The following GNLY variants were observed in gnomAD, a reference collection of about 807,000 sequenced individuals.
GNLY encodes T-cell activation protein 519.
GNLY carries 15 observed loss-of-function variants against 18.5 expected under a neutral mutation model. The observed-to-expected ratio is 0.81, with a 90% CI of 0.54 to 1.25. The LOEUF is 1.25. Among genes scored for constraint, GNLY ranks in the 50% most tolerant of loss-of-function variants. The pLI is 0.00. For synonymous variants in GNLY, 77 were observed against 74.9 expected, an observed-to-expected ratio of 1.03 and a Z score of -0.14; for missense variants, 178 against 186.9, an observed-to-expected ratio of 0.95 and a Z score of 0.28.
rs147680816 is a variant in GNLY, at chr2:85,697,622, C to T, written c.372C>T (p.Ala124=). The change falls in exon 4 of 5, where the codon GCC becomes GCT. Residue 124 remains alanine (A), a synonymous_variant. Coordinates refer to ENST00000263863, the MANE Select transcript of GNLY (RefSeq NM_006433.5). ...CTAGAGTTACCCAGGGCCTCGTGGC[C>T]GGAGAAACTGCCCAGCAGATCTGTG... ...YQSRVTQGLV[A]GETAQQICED... 111 of 1,613,492 alleles carry T rather than the reference C, an allele frequency of 6.9e-5. No homozygotes were observed. Among genetic ancestry groups the T allele is most frequent in the East Asian group, 2.0e-4 (9 of 44,894 alleles).
rs997850578 is a variant in GNLY, at chr2:85,695,434, G to C, written c.156+11G>C. On this transcript the variant is annotated intron_variant, in intron 2 of 4. Transcript: ENST00000263863. Reference sequence around the variant, plus strand: ...CAGGAGGGCCCCCAGGTACGTGTTGGCTCTCTGCTCACCTGCCACAGTCCC... The same window carrying C: ...CAGGAGGGCCCCCAGGTACGTGTTGCCTCTCTGCTCACCTGCCACAGTCCC... 6.7e-7 allele frequency: 1 copy of C among 1,499,696 alleles called. No homozygotes were observed. Among genetic ancestry groups the C allele is most frequent in the South Asian group, 1.1e-5 (1 of 88,482 alleles). 92.9% of individuals were successfully genotyped at this position (1,499,696 alleles called of 1,614,324 possible). A position where few individuals can be genotyped will look rare whatever the true frequency, so the allele number is the denominator to read the frequency against.
chr2:85,697,731 C>G (rs1678518329), intron 4 of GNLY, 54 bp downstream of exon 4: 1 of 1,282,280 alleles, frequency 7.8e-7, no homozygotes. Flanking sequence ...GACAGCTTCC[C>G]CCAGGATATA....
chr2:85,695,690 TTCC>T (rs1429876529), intron 2 of GNLY, among the ~76,000 whole-genome samples: 10 of 151,914 alleles, frequency 6.6e-5, no homozygotes, highest in African/African-American at 2.2e-4. Flanking sequence ...CCCCTGGGAG[TTCC>T]TCAATAGGAG....
Position 85,695,416 on chromosome 2 carries a change from G to T in GNLY, c.149G>T (p.Gly50Val), listed in dbSNP as rs1678404385. Residue 50 changes from glycine to valine, a missense_variant, in exon 2 of 5, where the codon GGC (glycine) becomes GTC (valine). Transcript: ENST00000263863. ...TCCTGCCCGTGCCTGGCCCAGGAGG[G>T]CCCCCAGGTACGTGTTGGCTCTCTG... ...EKSCPCLAQE[G>V]PQGDLLTKTQ... 2 of 1,599,342 alleles carry T rather than the reference G, an allele frequency of 1.3e-6. No individual in the cohort carries two copies. Among genetic ancestry groups the T allele is most frequent in the Non-Finnish European group, 1.7e-6 (2 of 1,166,562 alleles).
At chr2:85,698,279 C>T (rs1420450452) in intron 4 of GNLY, 4 of 655,824 alleles carry the variant, frequency 6.1e-6, no homozygotes, top group Non-Finnish European at 8.4e-6. Context: ...CAGAAAGGGG[C>T]CTCGGTGATT....
intron 1 of GNLY, chr2:85,695,003 A>C (rs1397939904): frequency 6.3e-7 from 1 of 1,590,374 alleles, no homozygotes; most frequent in Non-Finnish European, 8.6e-7. Flanking sequence ...GAAGGTAAAA[A>C]AAGAAAATCC....
rs908503524 is a variant in GNLY, at chr2:85,698,553, C to G, written c.428-11C>G. 1.2e-6 allele frequency: 2 copies of G among 1,613,012 alleles called. No homozygotes were observed. The highest frequency in any genetic ancestry group is 1.7e-6 in the Non-Finnish European group (2 of 1,179,322). On this transcript the variant is annotated splice_polypyrimidine_tract_variant and intron_variant, in intron 4 of 4. Coordinates refer to ENST00000263863, the MANE Select transcript of GNLY (RefSeq NM_006433.5). ...ACATCTGCCCACAGCTGGCTGTTCT[C>G]TCCTCTCCAGGTCCCCTCTGAGCCC... is the stretch of plus-strand genomic sequence containing the variant.
rs780376436 is a variant in GNLY at position 85,694,360 on chromosome 2, G to A, written c.-59G>A. ...AAGGGCAGGACCTGAGAAAGATTAAGCTGCAGGCTCCCTGCCCATAAAACA... is the reference window on the plus strand; with the variant it reads ...AAGGGCAGGACCTGAGAAAGATTAAACTGCAGGCTCCCTGCCCATAAAACA... On this transcript the variant is annotated 5_prime_UTR_variant, in exon 1 of 5. Coordinates refer to ENST00000263863, the MANE Select transcript of GNLY (RefSeq NM_006433.5). 1.2e-4 allele frequency: 183 copies of A among 1,491,048 alleles called. No individual in the cohort carries two copies. Among genetic ancestry groups the A allele is most frequent in the Non-Finnish European group, 1.6e-4 (166 of 1,069,120 alleles). The allele number at this position is 1,491,048 out of a possible 1,614,324, so 92.4% of individuals were successfully genotyped here.
intron 1 of GNLY, 152 bp downstream of exon 1, chr2:85,694,622 G>C: frequency 9.6e-7 from 1 of 1,045,484 alleles, no homozygotes; most frequent in Non-Finnish European, 1.4e-6. Flanking sequence ...CCTCCCCTCA[G>C]AGCCAGGCTT....
chr2:85,696,322 A>T, intron 3 of GNLY: 1 of 409,376 alleles, frequency 2.4e-6, no homozygotes, highest in East Asian at 4.4e-5. Context: ...TGTCCCAGAG[A>T]AGTTAGGAAT....
chr2:85,698,320 T>C, intron 4 of GNLY: 1 of 707,124 alleles, frequency 1.4e-6, no homozygotes, highest in Non-Finnish European at 2.5e-6. Context: ...CACTTGCCAA[T>C]GCTCTGGGAT....
chr2:85,697,419 A>T (rs1002511330), intron 3 of GNLY, 87 bp from the exon 4 acceptor site: 1 of 1,203,364 alleles, frequency 8.3e-7, no homozygotes, highest in Non-Finnish European at 1.2e-6. Flanking sequence ...CAGTACTCCC[A>T]TTGCTAGGGC....
At position 85,698,695 on chromosome 2, in the gene GNLY, C is replaced by T. The variant is rs552399862; in HGVS notation, c.*121C>T. The T allele has an allele frequency of 1.4e-4, 218 of 1,598,044 alleles. 1 individual carries two copies. The East Asian group carries it at 4.5e-3, about 33-fold the overall frequency. On this transcript the variant is annotated 3_prime_UTR_variant, in exon 5 of 5. Coordinates refer to ENST00000263863, the MANE Select transcript of GNLY (RefSeq NM_006433.5). Reference sequence around the variant, plus strand: ...AGAATCCACTCTCCAGTCTCCCTCCCCTGACTCCCTCTGCTGTCCTCCCCT... The same window carrying T: ...AGAATCCACTCTCCAGTCTCCCTCCTCTGACTCCCTCTGCTGTCCTCCCCT...
chr2:85,698,181 C>T (rs1282733388), intron 4 of GNLY, among the ~76,000 whole-genome samples: 5 of 152,224 alleles, frequency 3.3e-5, no homozygotes, highest in Non-Finnish European at 7.3e-5. Flanking sequence ...CTAGGGAACC[C>T]TTCAGGCAGG....
intron 3 of GNLY, 195 bp from the exon 4 acceptor site, chr2:85,697,311 G>A: frequency 1.7e-6 from 1 of 583,578 alleles, no homozygotes; most frequent in Non-Finnish European, 3.1e-6. Flanking sequence ...GCCCTACCTG[G>A]CCAGTCTTGG....
chr2:85,695,363 A>ACTC lies in GNLY; in HGVS notation c.96_97insCTC (p.Ala32_Arg33insLeu). ...TGAGCCCTGAGTACTACGACCTGGCAAGAGCCCACCTGCGTGATGAGGAGA... is the reference window on the plus strand; with the variant it reads ...TGAGCCCTGAGTACTACGACCTGGCACTCAGAGCCCACCTGCGTGATGAGGAGA... On this transcript the variant is annotated inframe_insertion, in exon 2 of 5. Coordinates refer to ENST00000263863, the MANE Select transcript of GNLY (RefSeq NM_006433.5). 6.2e-7 allele frequency: 1 copy of ACTC among 1,613,992 alleles called. No individual in the cohort carries two copies. Among genetic ancestry groups the ACTC allele is most frequent in the East Asian group, 2.2e-5 (1 of 44,874 alleles).
chr2:85,698,539 C>T (rs761663996), intron 4 of GNLY, 25 bp from the exon 5 acceptor site: 5 of 1,613,166 alleles, frequency 3.1e-6, no homozygotes, highest in Non-Finnish European at 4.2e-6. Flanking sequence ...CATCTGCCCA[C>T]AGCTGGCTGT....
chr2:85,696,042 G>A lies in GNLY; in HGVS notation c.241G>A (p.Asp81Asn), dbSNP rs780984153. The change falls in exon 3 of 5, where the codon GAT (aspartate) becomes AAT (asparagine). Residue 81 changes from aspartate to asparagine, a missense_variant. Transcript: ENST00000263863. The part of the protein sequence containing the change: ...TIVQKLKKMV[D>N]KPTQRSVSNA... ...AGTCCAAAAACTGAAGAAGATGGTG[G>A]ATAAGCCCACCCAGGTGAGGCCAAG... The A allele has an allele frequency of 3.7e-5, 59 of 1,597,430 alleles. No individual in the cohort carries two copies. Among genetic ancestry groups the A allele is most frequent in the East Asian group, 2.2e-4 (10 of 44,774 alleles).
intron 1 of GNLY, chr2:85,695,035 GT>G: frequency 6.4e-7 from 1 of 1,563,292 alleles, no homozygotes; most frequent in Non-Finnish European, 8.7e-7. Flanking sequence ...ATTGAGGGAA[GT>G]TTCTAGACAA....
Sources: gnomAD v4.1 joint callset for allele counts (sites outside exome capture counted in the v4.1 genomes callset) on GRCh38, gnomAD v4.1.1 for gene constraint, MANE v1.5 for transcripts, NCBI Gene and HGNC (gene_info 2026-07-23, HGNC 2026-07-21) for gene names.